The following ANO6 variants were observed in gnomAD, a reference collection of about 807,000 sequenced individuals.
The protein encoded by ANO6 is anoctamin-6.
Under a neutral mutation model 117.5 loss-of-function variants are expected in ANO6, and 106 were observed. That is an observed-to-expected ratio of 0.90 (90% confidence interval 0.77 to 1.06). The LOEUF is 1.06. ANO6 is among the 50% of genes least tolerant of loss of function. The pLI, the probability that ANO6 is intolerant of heterozygous loss-of-function variation, is 0.00. For missense variants in ANO6, 955 were observed against 1,121.1 expected, an observed-to-expected ratio of 0.85 and a Z score of 2.12; for synonymous variants, 367 against 385.1, an observed-to-expected ratio of 0.95 and a Z score of 0.55.
chr12:45,388,381 C>T, intron 11 of ANO6, 78 bp downstream of exon 11: 1 of 1,567,110 alleles, frequency 6.4e-7, no homozygotes. Context: ...ATTAGAATCA[C>T]TTGGGGGAGC....
At chr12:45,255,184 A>G (rs146163015) in intron 1 of ANO6, among the ~76,000 whole-genome samples, 1 of 152,348 alleles carries the variant, frequency 6.6e-6, no homozygotes, top group African/African-American at 2.4e-5. Context: ...ACATTTGTCA[A>G]GTGTTTTACA....
At chr12:45,323,172 A>T (rs1261970728) in intron 2 of ANO6, among the ~76,000 whole-genome samples, 1 of 152,210 alleles carries the variant, frequency 6.6e-6, no homozygotes, top group African/African-American at 2.4e-5. Flanking sequence ...CGCTCTTAAC[A>T]TATTCTATTC....
chr12:45,280,387 G>A (rs1399038324), intron 1 of ANO6, among the ~76,000 whole-genome samples: 1 of 152,104 alleles, frequency 6.6e-6, no homozygotes, highest in Non-Finnish European at 1.5e-5. Flanking sequence ...GTGACCCTGT[G>A]GCCTACAGAC....
At chr12:45,282,261 T>G (rs1938764728) in intron 1 of ANO6, among the ~76,000 whole-genome samples, 1 of 152,190 alleles carries the variant, frequency 6.6e-6, no homozygotes, top group South Asian at 2.1e-4. Flanking sequence ...GTTGGATATG[T>G]GAATCTGTGG....
At chr12:45,332,843 T>C (rs1297141323) in intron 3 of ANO6, among the ~76,000 whole-genome samples, 1 of 152,068 alleles carries the variant, frequency 6.6e-6, no homozygotes, top group Non-Finnish European at 1.5e-5. Flanking sequence ...CTTTACCACT[T>C]TGGCCTCAAA....
In ANO6 at chr12:45,421,272, A is replaced by T. The variant is rs147121403; in HGVS notation, c.2419A>T (p.Arg807Trp). The change falls in exon 18 of 20, where the codon AGG (arginine) becomes TGG (tryptophan). Residue 807 changes from arginine (R) to tryptophan (W), a missense_variant and splice_region_variant. Physicochemically the swap from Arg to Trp is moderately radical, Grantham distance 101 (BLOSUM62 -3). Coordinates refer to ENST00000320560, the MANE Select transcript of ANO6 (RefSeq NM_001025356.3). ...YSDLGNHTTCRYRDFRYPPGH... is the reference protein window; with the variant it reads ...YSDLGNHTTCWYRDFRYPPGH... ...TGACCTGGGTAACCATACCACATGC[A>T]GGCAAGTTCTGCTTTACTTGTTTAA... The T allele has an allele frequency of 9.9e-6, 16 of 1,613,972 alleles. No homozygotes were observed. The highest frequency in any genetic ancestry group is 1.4e-5 in the Non-Finnish European group (16 of 1,179,894).
rs774243739 is a variant in ANO6 at position 45,403,154 on chromosome 12, A to G, written c.1695A>G (p.Ser565=). Residue 565 remains serine, a synonymous_variant, in exon 14 of 20, where the codon TCA becomes TCG. Transcript: ENST00000320560. ...FLFQFVNYYS[S]CFYIAFFKGK... ...TCCAGTTTGTCAACTACTACTCTTC[A>G]TGCTTCTACATAGCATTCTTTAAGG... 2 of 1,614,000 alleles carry G rather than the reference A, an allele frequency of 1.2e-6. No homozygotes were observed. The highest frequency in any genetic ancestry group is 2.7e-5 in the African/African-American group (2 of 75,042).
chr12:45,240,193 G>A (rs1947716118), intron 1 of ANO6, among the ~76,000 whole-genome samples: 1 of 151,954 alleles, frequency 6.6e-6, no homozygotes. Flanking sequence ...CTTGCTTTAT[G>A]AATCTGGGTG....
chr12:45,384,875 A>T (rs1389604760), intron 10 of ANO6, among the ~76,000 whole-genome samples: 1 of 152,232 alleles, frequency 6.6e-6, no homozygotes, highest in African/African-American at 2.4e-5. Context: ...TTGTAAGAAG[A>T]TAAAAACACT....
At chr12:45,324,779 C>T (rs1458593005) in intron 2 of ANO6, among the ~76,000 whole-genome samples, 1 of 152,170 alleles carries the variant, frequency 6.6e-6, no homozygotes, top group African/African-American at 2.4e-5. Context: ...CCCAAGACTT[C>T]CTACTTTGGT....
chr12:45,439,673 A>ATGTC lies in ANO6; in HGVS notation c.2527-2_2527-1insTGTC. On this transcript the variant is annotated splice_acceptor_variant, in intron 19 of 19. Transcript: ENST00000425752. LOFTEE classifies it high-confidence loss of function. ...TTTTTTTTTTTTTTTTTTTTGAGAC[A>ATGTC]GTATCTCGCTTTGTTGCCCAGGCTG... The ATGTC allele has an allele frequency of 8.0e-7, 1 of 1,257,470 alleles. No individual in the cohort carries two copies. Among genetic ancestry groups the ATGTC allele is most frequent in the Non-Finnish European group, 1.0e-6 (1 of 994,202 alleles). The allele number at this position is 1,257,470 out of a possible 1,614,324, so 77.9% of individuals were successfully genotyped here. A position where few individuals can be genotyped will look rare whatever the true frequency, so the allele number is the denominator to read the frequency against.
At chr12:45,259,152 G>C (rs1201949129) in intron 1 of ANO6, among the ~76,000 whole-genome samples, 1 of 152,322 alleles carries the variant, frequency 6.6e-6, no homozygotes, top group Non-Finnish European at 1.5e-5. Context: ...ACAAAGGCAG[G>C]ATGTTGGAGG....
intron 1 of ANO6, among the ~76,000 whole-genome samples, chr12:45,255,822 T>G (rs867386415): frequency 9.8e-5 from 14 of 143,462 alleles, no homozygotes; most frequent in African/African-American, 1.8e-4. Flanking sequence ...CTGGGTGTTT[T>G]TTTTTTTTTT....
chr12:45,377,146 T>C (rs977899286), intron 9 of ANO6, among the ~76,000 whole-genome samples: 1 of 151,536 alleles, frequency 6.6e-6, no homozygotes, highest in African/African-American at 2.4e-5. Flanking sequence ...TGAAAAGGTT[T>C]TTTTTTTTTT....
Position 45,337,588 on chromosome 12 carries a change from T to TA in ANO6, c.279+6172dup, listed in dbSNP as rs543057968. Among the ~76,000 whole-genome samples the TA allele has an allele frequency of 1.4e-4, 22 of 152,124 alleles. No individual in the cohort carries two copies. In the East Asian group the frequency reaches 3.7e-3, roughly 25 times the overall value. ...GTATTCGATGCTTACATATTGAGTG[T>TA]AAAAAAAGTTGAATTCATAGAAGTA... On this transcript the variant is annotated intron_variant, in intron 3 of 19. Transcript: ENST00000320560.
At chr12:45,334,213 G>A (rs1565698571) in intron 3 of ANO6, among the ~76,000 whole-genome samples, 4 of 152,058 alleles carry the variant, frequency 2.6e-5, no homozygotes, top group Admixed American at 6.6e-5. Flanking sequence ...ACAAACGCTC[G>A]TTTAGTCTGT....
At chr12:45,292,590 A>T in intron 1 of ANO6, 1 of 1,000,884 alleles carries the variant, frequency 1.0e-6, no homozygotes, top group Non-Finnish European at 1.2e-6. Flanking sequence ...TAGGTAATCC[A>T]GTTGTGTGTG....
At chr12:45,407,185 A>G (rs570104191) in intron 15 of ANO6, among the ~76,000 whole-genome samples, 7 of 152,334 alleles carry the variant, frequency 4.6e-5, no homozygotes, top group Non-Finnish European at 8.8e-5. Flanking sequence ...TAACTCAGAA[A>G]TGAAAGCTAG....
intron 7 of ANO6, among the ~76,000 whole-genome samples, chr12:45,354,324 A>C (rs980516133): frequency 6.6e-6 from 1 of 152,248 alleles, no homozygotes. Flanking sequence ...GACAGCAGTA[A>C]CTTCACATGT....
Sources: allele counts gnomAD v4.1 joint callset (sites outside exome capture counted in the v4.1 genomes callset), GRCh38; gene constraint gnomAD v4.1.1; transcripts MANE v1.5; gene names NCBI Gene and HGNC (gene_info 2026-07-23, HGNC 2026-07-21).